KAZN: variants seen among roughly 807,000 people sequenced by gnomAD.
KAZN encodes the protein kazrin, periplakin interacting protein.
Under a neutral mutation model 87.4 loss-of-function variants are expected in KAZN, and 40 were observed. That is an observed-to-expected ratio of 0.46 (90% confidence interval 0.36 to 0.60). The LOEUF (loss-of-function observed/expected upper bound fraction) is 0.60. Ranked by LOEUF, KAZN falls within the 20% of genes least tolerant of loss-of-function variation. The pLI, the probability that KAZN is intolerant of heterozygous loss-of-function variation, is 0.00. For missense variants in KAZN, 898 were observed against 1,073.9 expected (o/e 0.84, Z 2.29); for synonymous variants, 466 against 458.3 (o/e 1.02, Z -0.22).
chr1:14,495,393 C>G (rs537807868), intron 2 of KAZN, among the ~76,000 whole-genome samples: 2 of 152,284 alleles, frequency 1.3e-5, no homozygotes, highest in East Asian at 3.9e-4. Context: ...GCTCCTGGTT[C>G]TATTTTCCAT....
At chr1:14,681,447 A>G (rs1183030272) in intron 1 of KAZN, among the ~76,000 whole-genome samples, 1 of 151,270 alleles carries the variant, frequency 6.6e-6, no homozygotes, top group African/African-American at 2.4e-5. Context: ...CAACACTGAC[A>G]TTTCAGAAAC....
At chr1:14,057,311 T>A (rs1359231565) in intron 1 of KAZN, among the ~76,000 whole-genome samples, 1 of 152,026 alleles carries the variant, frequency 6.6e-6, no homozygotes, top group Non-Finnish European at 1.5e-5. Flanking sequence ...ATTTTTATAT[T>A]TTTAGTAGAG....
At position 14,598,837 on chromosome 1, in the gene KAZN, T is replaced by C. The variant is rs1676699741; in HGVS notation, c.-161T>C. ...GCTGGAGGCGCCGCTGTCATTCCTG[T>C]GCCGGAGGAACCGGCGCTGCCGGTG... On this transcript the variant is annotated 5_prime_UTR_variant, in exon 1 of 15. Coordinates refer to ENST00000376030, the MANE Select transcript of KAZN (RefSeq NM_201628.3). This position sits in a 1 kb window ranked among gnomAD's most constrained non-coding sequence, Gnocchi z 4.2. The C allele has an allele frequency of 7.2e-7, 1 of 1,396,896 alleles. No homozygotes were observed. Among genetic ancestry groups the C allele is most frequent in the African/African-American group, 1.5e-5 (1 of 64,872 alleles). 86.5% of individuals were successfully genotyped at this position (1,396,896 alleles called of 1,614,324 possible). A position where few individuals can be genotyped will look rare whatever the true frequency, so the allele number is the denominator to read the frequency against.
At chr1:14,115,005 G>A (rs1173251428) in intron 1 of KAZN, among the ~76,000 whole-genome samples, 1 of 152,220 alleles carries the variant, frequency 6.6e-6, no homozygotes, top group Non-Finnish European at 1.5e-5. Context: ...CACTGCTCCT[G>A]TGCTGGCTCT....
intron 1 of KAZN, among the ~76,000 whole-genome samples, chr1:13,942,766 G>T (rs1249191272): frequency 3.3e-5 from 5 of 152,082 alleles, no homozygotes; most frequent in Non-Finnish European, 7.4e-5. Context: ...TAAAATAGAT[G>T]AGAAGACGGA....
chr1:14,859,517 G>A (rs550279902), intron 1 of KAZN, among the ~76,000 whole-genome samples: 30 of 152,292 alleles, frequency 2.0e-4, no homozygotes, highest in African/African-American at 6.7e-4. Context: ...GAGAAGTGGA[G>A]GGGAGGTATA....
intron 1 of KAZN, among the ~76,000 whole-genome samples, chr1:14,876,838 T>C (rs985824426): frequency 2.6e-5 from 4 of 152,204 alleles, no homozygotes; most frequent in Admixed American, 2.6e-4. Flanking sequence ...TGGGGAAGTC[T>C]TGTCTTACCA....
At chr1:14,921,768 C>T (rs1048319036) in intron 1 of KAZN, among the ~76,000 whole-genome samples, 11 of 152,208 alleles carry the variant, frequency 7.2e-5, no homozygotes, top group Non-Finnish European at 1.5e-4. Flanking sequence ...CTGGAGTGTG[C>T]TGGCACAATC....
At position 13,914,122 on chromosome 1, in the gene KAZN, T is replaced by G. The variant is rs560684694; in HGVS notation, c.91+20366T>G. On this transcript the variant is annotated intron_variant, in intron 1 of 16. Transcript: ENST00000636203. ...TGAAGGAATTTCAAGCTCATAGGGA[T>G]GGAGAACCAAATCCCAGTAGGAATA... Among the ~76,000 whole-genome samples, 183 of 152,326 alleles carry G rather than the reference T, an allele frequency of 1.2e-3. 1 individual carries two copies. Among genetic ancestry groups the G allele is most frequent in the African/African-American group, 4.2e-3 (175 of 41,570 alleles).
chr1:14,547,636 G>A (rs146986816), intron 2 of KAZN, among the ~76,000 whole-genome samples: 34 of 152,258 alleles, frequency 2.2e-4, no homozygotes, highest in African/African-American at 8.2e-4. Context: ...AGGCTGGAGT[G>A]CAGTGATGCA....
At chr1:14,514,483 A>AT in intron 2 of KAZN, among the ~76,000 whole-genome samples, 1 of 13,830 alleles carries the variant, frequency 7.2e-5, no homozygotes, top group Non-Finnish European at 1.6e-4. Context: ...TATTTTATAT[A>AT]AATATTTATA....
chr1:14,074,374 A>T (rs1643363567), intron 1 of KAZN, among the ~76,000 whole-genome samples: 1 of 152,088 alleles, frequency 6.6e-6, no homozygotes, highest in South Asian at 2.1e-4. Context: ...CCTAACCTCC[A>T]TGCCCAAGAT....
At chr1:14,123,945 G>A (rs532671096) in intron 1 of KAZN, among the ~76,000 whole-genome samples, 39 of 152,254 alleles carry the variant, frequency 2.6e-4, no homozygotes, top group African/African-American at 9.1e-4. Flanking sequence ...ATCTCTCAGT[G>A]ATGACAAATG....
At chr1:13,945,446 C>A (rs777458031) in intron 1 of KAZN, among the ~76,000 whole-genome samples, 1 of 148,772 alleles carries the variant, frequency 6.7e-6, no homozygotes. Flanking sequence ...TGCACTCCAC[C>A]CTGGGCAACA....
intron 2 of KAZN, among the ~76,000 whole-genome samples, chr1:14,976,782 G>A (rs112888238): frequency 2.0e-5 from 3 of 152,232 alleles, no homozygotes; most frequent in East Asian, 1.9e-4. Flanking sequence ...GGCAGGGCGC[G>A]GTGGCTCACG....
chr1:14,664,961 A>G (rs75958515), intron 1 of KAZN, among the ~76,000 whole-genome samples: 3,514 of 152,288 alleles, frequency 0.023, 156 homozygotes, highest in African/African-American at 0.081. Context: ...GGCTGGATCC[A>G]TATTTTTATT....
chr1:14,956,876 C>T (rs185152699), intron 1 of KAZN, among the ~76,000 whole-genome samples: 1 of 152,172 alleles, frequency 6.6e-6, no homozygotes, highest in Non-Finnish European at 1.5e-5. Flanking sequence ...ACCTCTCCAG[C>T]CTTCCTCCTG....
intron 8 of KAZN, among the ~76,000 whole-genome samples, chr1:15,089,347 C>G (rs1640421544): frequency 6.6e-6 from 1 of 152,070 alleles, no homozygotes; most frequent in Non-Finnish European, 1.5e-5. Flanking sequence ...ACTGAGAGCC[C>G]CACCCCTCCC....
At chr1:14,293,354 C>T (rs537495613) in intron 2 of KAZN, among the ~76,000 whole-genome samples, 27 of 152,310 alleles carry the variant, frequency 1.8e-4, no homozygotes, top group African/African-American at 6.0e-4. Context: ...TCCCTCAGCA[C>T]GAACAGCTAA....
Sources: allele counts gnomAD v4.1 joint callset (sites outside exome capture counted in the v4.1 genomes callset), GRCh38; gene constraint gnomAD v4.1.1; non-coding constraint Gnocchi (gnomAD v3.1); transcripts MANE v1.5; gene names NCBI Gene and HGNC (gene_info 2026-07-23, HGNC 2026-07-21).